SYAP1: variants seen among roughly 807,000 people sequenced by gnomAD.
SYAP1 encodes the protein synapse associated protein 1, also known as synapse-associated protein 1.
In SYAP1, 3 loss-of-function variants were observed where a neutral mutation model predicts 29.6. That is an observed-to-expected ratio of 0.10 (90% CI 0.05 to 0.26). The LOEUF is 0.26. Among genes scored for constraint, SYAP1 ranks in the 10% least tolerant of loss-of-function variants. The pLI, the probability that SYAP1 is intolerant of heterozygous loss-of-function variation, is 1.00. For missense variants in SYAP1, 217 were observed against 264.1 expected, an observed-to-expected ratio of 0.82 and a Z score of 1.24; for synonymous variants, 102 against 102.7, an observed-to-expected ratio of 0.99 and a Z score of 0.04.
At chrX:16,731,548 C>G (rs766355425) in intron 1 of SYAP1, among the ~76,000 whole-genome samples, 2 of 112,263 alleles carry the variant, frequency 1.8e-5, no homozygotes, top group South Asian at 7.2e-4. Flanking sequence ...GTGGACTAGA[C>G]TGCCTAAGGC....
At chrX:16,747,300 TTG>T (rs1325994742) in intron 5 of SYAP1, among the ~76,000 whole-genome samples, 10 of 111,884 alleles carry the variant, frequency 8.9e-5, no homozygotes, top group Admixed American at 7.6e-4. Context: ...GTGTATGTGC[TTG>T]TGTGTGTGTG....
intron 4 of SYAP1, among the ~76,000 whole-genome samples, chrX:16,743,465 C>G (rs986461973): frequency 1.5e-4 from 17 of 109,769 alleles, no homozygotes; most frequent in African/African-American, 5.3e-4. Flanking sequence ...GAAACCCCAT[C>G]TCTACTAAAA....
intron 4 of SYAP1, among the ~76,000 whole-genome samples, chrX:16,743,369 C>T (rs1461817834): frequency 1.8e-5 from 2 of 108,858 alleles, no homozygotes; most frequent in African/African-American, 6.7e-5. Flanking sequence ...GGCGCATTGG[C>T]TCACCCCTGT....
At chrX:16,731,714 C>T (rs778577643) in intron 1 of SYAP1, among the ~76,000 whole-genome samples, 112 of 111,642 alleles carry the variant, frequency 1.0e-3, no homozygotes, top group South Asian at 2.2e-3. Flanking sequence ...CTGAGGTGGG[C>T]GGAACATCTG....
intron 8 of SYAP1, among the ~76,000 whole-genome samples, chrX:16,759,588 C>T (rs933963831): frequency 2.7e-5 from 3 of 111,220 alleles, no homozygotes; most frequent in African/African-American, 6.5e-5. Flanking sequence ...CTTCAGACCC[C>T]GGTGTCTGTC....
rs1926590866 is a variant in SYAP1, at chrX:16,745,941, A to G, written c.575+2101A>G. Among the ~76,000 whole-genome samples, 6 of 110,377 alleles carry G rather than the reference A, an allele frequency of 5.4e-5. No individual in the cohort carries two copies. In the Admixed American group the frequency reaches 5.9e-4, roughly 11 times the overall value. On this transcript the variant is annotated intron_variant, in intron 5 of 8. Coordinates refer to ENST00000380155, the MANE Select transcript of SYAP1 (RefSeq NM_032796.4). ...AACACATGTTTGTTTTGCTATGCTTACCCAGCCACATAGCGGTTTTAACAA... is the reference window on the plus strand; with the variant it reads ...AACACATGTTTGTTTTGCTATGCTTGCCCAGCCACATAGCGGTTTTAACAA...
At position 16,734,397 on chromosome X, in the gene SYAP1, A is replaced by AG. The variant is rs1204275926; in HGVS notation, c.176-830_176-829insG. On this transcript the variant is annotated intron_variant, in intron 1 of 8. Transcript: ENST00000380155. ...TGAGACTTCATCTCAAAAAAAAAAA[A>AG]AAAAAGATTTCTGTTTCTACTAGGG... is the stretch of plus-strand genomic sequence containing the variant. Among the ~76,000 whole-genome samples the AG allele has an allele frequency of 3.6e-5, 4 of 110,010 alleles. No individual in the cohort carries two copies. In the East Asian group the frequency reaches 8.6e-4, roughly 24 times the overall value.
intron 5 of SYAP1, among the ~76,000 whole-genome samples, chrX:16,747,797 C>G (rs1926639916): frequency 8.9e-6 from 1 of 112,456 alleles, no homozygotes; most frequent in African/African-American, 3.2e-5. Context: ...GAAATGCTTG[C>G]TGAAGTGGAG....
At chrX:16,747,310 G>A (rs778678742) in intron 5 of SYAP1, among the ~76,000 whole-genome samples, 2 of 112,339 alleles carry the variant, frequency 1.8e-5, no homozygotes, top group South Asian at 7.3e-4. Context: ...TTGTGTGTGT[G>A]TGTTTCAAGC....
intron 5 of SYAP1, among the ~76,000 whole-genome samples, chrX:16,747,975 C>T (rs1926644355): frequency 9.1e-6 from 1 of 110,329 alleles, no homozygotes; most frequent in South Asian, 3.8e-4. Context: ...CCCAGCTACT[C>T]GGGAAGCTGA....
intron 3 of SYAP1, among the ~76,000 whole-genome samples, chrX:16,739,996 C>T (rs1468171803): frequency 9.0e-6 from 1 of 111,432 alleles, no homozygotes; most frequent in Non-Finnish European, 1.9e-5. Context: ...CTTCACTCTG[C>T]TCTCTAGCTG....
At chrX:16,746,537 A>C (rs1482131846) in intron 5 of SYAP1, among the ~76,000 whole-genome samples, 1 of 111,252 alleles carries the variant, frequency 9.0e-6, no homozygotes, top group Admixed American at 9.6e-5. Context: ...GCGCCCAGCT[A>C]GACTTTGTCT....
At chrX:16,728,990 G>A (rs1446880751) in intron 1 of SYAP1, among the ~76,000 whole-genome samples, 3 of 102,728 alleles carry the variant, frequency 2.9e-5, no homozygotes, top group Non-Finnish European at 5.9e-5. Context: ...AGTGAGCCGA[G>A]ATCACACCAC....
At chrX:16,740,090 A>T (rs1377098640) in intron 3 of SYAP1, among the ~76,000 whole-genome samples, 1 of 110,182 alleles carries the variant, frequency 9.1e-6, no homozygotes, top group Non-Finnish European at 1.9e-5. Context: ...ACCCCCATCC[A>T]CCACTGACCT....
Position 16,740,405 on chromosome X carries a change from C to T in SYAP1, c.362-1311C>T, listed in dbSNP as rs376934486. On this transcript the variant is annotated intron_variant, in intron 3 of 8. Transcript: ENST00000380155. ...TTATTCCTAATCACCTGTCTTACAA[C>T]ATCACCTTTTATCATGAATCAAGTA... 2.7e-4 allele frequency among the ~76,000 whole-genome samples: 28 copies of T among 104,939 alleles called. No individual in the cohort carries two copies. In the East Asian group the frequency reaches 7.3e-3, roughly 27 times the overall value. The allele number at this position is 104,939 out of a possible 115,157, so 91.1% of individuals were successfully genotyped here.
At position 16,743,674 on chromosome X, in the gene SYAP1, C is replaced by A. The variant is rs760329017; in HGVS notation, c.436-27C>A. On this transcript the variant is annotated intron_variant, in intron 4 of 8. Transcript: ENST00000380155. ...TATTAATCGCATTTTGTGGAATACC[C>A]TGTGTTTTTTTCTTTTTTTATCAAA... 8 of 1,200,140 alleles carry A rather than the reference C, an allele frequency of 6.7e-6. No homozygotes were observed. In the African/African-American group the frequency reaches 1.4e-4, roughly 21 times the overall value.
intron 8 of SYAP1, among the ~76,000 whole-genome samples, chrX:16,758,009 G>A (rs1926890689): frequency 9.0e-6 from 1 of 111,521 alleles, no homozygotes; most frequent in African/African-American, 3.3e-5. Flanking sequence ...CATGCCAAAA[G>A]AGCATTGCTT....
chrX:16,723,961 A>G (rs1435904567), intron 1 of SYAP1, among the ~76,000 whole-genome samples: 1 of 111,937 alleles, frequency 8.9e-6, no homozygotes, highest in Non-Finnish European at 1.9e-5. Flanking sequence ...TTATTGTTAT[A>G]TCATTTGCAA....
intron 1 of SYAP1, among the ~76,000 whole-genome samples, chrX:16,735,018 A>AAAAAAAAAAAAAAAAAC (rs1569248728): frequency 1.1e-5 from 1 of 93,707 alleles, no homozygotes. Context: ...AAAAAAAAAA[A>AAAAAAAAAAAAAAAAAC]AAAACAAAAA....
Sources: gnomAD v4.1 joint callset for allele counts (sites outside exome capture counted in the v4.1 genomes callset) on GRCh38, gnomAD v4.1.1 for gene constraint, MANE v1.5 for transcripts, NCBI Gene and HGNC (gene_info 2026-07-23, HGNC 2026-07-21) for gene names.